The following NCAM2 variants were observed in gnomAD, a reference collection of about 807,000 sequenced individuals.
The protein encoded by NCAM2 is N-CAM-2.
A neutral mutation model predicts 98.1 loss-of-function variants in NCAM2; 30 were observed. The ratio of observed to expected loss-of-function variants is 0.31; its 90% CI spans 0.23 to 0.41. The LOEUF is 0.41. Among genes scored for constraint, NCAM2 ranks in the 10% least tolerant of loss-of-function variants. NCAM2 has a pLI of 1.00. For synonymous variants in NCAM2, 368 were observed against 342.4 expected, an observed-to-expected ratio of 1.07 and a Z score of -0.83; for missense variants, 867 against 1,005.8, an observed-to-expected ratio of 0.86 and a Z score of 1.87.
intron 15 of NCAM2, among the ~76,000 whole-genome samples, chr21:21,479,790 C>A (rs1255160232): frequency 6.6e-6 from 1 of 151,330 alleles, no homozygotes; most frequent in Non-Finnish European, 1.5e-5. Context: ...TAGGCAAGAC[C>A]TGGAAAGAAA....
At chr21:21,525,558 C>G (rs776069739) in intron 16 of NCAM2, among the ~76,000 whole-genome samples, 4 of 152,078 alleles carry the variant, frequency 2.6e-5, no homozygotes, top group Non-Finnish European at 4.4e-5. Flanking sequence ...CAAGCCCAGA[C>G]AAGTTCACTG....
rs142073167 is a variant in NCAM2 at position 21,507,638 on chromosome 21, A to G, written c.2078-1213A>G. Among the ~76,000 whole-genome samples the G allele has an allele frequency of 7.4e-3, 1,127 of 151,834 alleles. 11 individuals are homozygous for G. Among genetic ancestry groups the G allele is most frequent in the African/African-American group, 0.026 (1,073 of 41,432 alleles). On this transcript the variant is annotated intron_variant, in intron 15 of 17. Transcript: ENST00000400546. ...GAAACCCCGTTTCTACTAAAAACAC[A>G]AAAAAATTACCCAGGTGCAGTGGCG...
intron 7 of NCAM2, among the ~76,000 whole-genome samples, chr21:21,337,248 A>G (rs9978139): frequency 0.041 from 6,305 of 152,120 alleles, 240 homozygotes; most frequent in East Asian, 0.19. Flanking sequence ...AAGAAAAAAG[A>G]TTTTTTACAT....
chr21:21,468,765 C>A lies in NCAM2; in HGVS notation c.1878C>A (p.Tyr626Ter). Residue 626 changes from tyrosine to a stop codon, truncating the protein, a stop_gained, in exon 14 of 18, where the codon TAC becomes TAA. Coordinates refer to ENST00000400546, the MANE Select transcript of NCAM2 (RefSeq NM_004540.5). LOFTEE classifies it high-confidence loss of function. ...QDDGGAPILEYIVKYRSKDKE... is the reference protein window; with the variant it reads ...QDDGGAPILE ...ATGGAGGGGCCCCTATTTTGGAATACATTGTGAAATATAGAAGTGTAAGTA... is the reference window on the plus strand; with the variant it reads ...ATGGAGGGGCCCCTATTTTGGAATAAATTGTGAAATATAGAAGTGTAAGTA... 6.2e-7 allele frequency: 1 copy of A among 1,611,050 alleles called. No homozygotes were observed. The highest frequency in any genetic ancestry group is 1.1e-5 in the South Asian group (1 of 90,924).
At chr21:21,274,516 A>G (rs1282317200) in intron 1 of NCAM2, among the ~76,000 whole-genome samples, 1 of 152,210 alleles carries the variant, frequency 6.6e-6, no homozygotes, top group African/African-American at 2.4e-5. Flanking sequence ...CACTGTTATA[A>G]AAATCCAATA....
At chr21:21,147,187 C>G in intron 1 of NCAM2, 1 of 974,494 alleles carries the variant, frequency 1.0e-6, no homozygotes, top group Non-Finnish European at 1.2e-6. Context: ...CCGCTGCCTT[C>G]TACTTCAGCA....
intron 1 of NCAM2, among the ~76,000 whole-genome samples, chr21:21,132,112 T>G (rs1490084111): frequency 6.6e-6 from 1 of 152,236 alleles, no homozygotes; most frequent in African/African-American, 2.4e-5. Flanking sequence ...CGCATGCATT[T>G]GCTCATGGCC....
chr21:21,347,067 G>T (rs1229770657), intron 8 of NCAM2, among the ~76,000 whole-genome samples: 2 of 151,510 alleles, frequency 1.3e-5, no homozygotes, highest in Non-Finnish European at 3.0e-5. Flanking sequence ...AATACAAAAG[G>T]CCAATGAAAC....
chr21:21,048,165 T>G (rs1463653919), intron 1 of NCAM2, among the ~76,000 whole-genome samples: 1 of 152,204 alleles, frequency 6.6e-6, no homozygotes, highest in Non-Finnish European at 1.5e-5. Context: ...CTCTGAAGTC[T>G]GCTATCTGAG....
chr21:21,252,592 C>T (rs2071515598), intron 1 of NCAM2, among the ~76,000 whole-genome samples: 1 of 152,004 alleles, frequency 6.6e-6, no homozygotes, highest in Non-Finnish European at 1.5e-5. Context: ...TGTAGAGCTG[C>T]TTGATGCTGT....
At chr21:21,452,994 TATATA>T (rs1223987599) in intron 12 of NCAM2, among the ~76,000 whole-genome samples, 1,461 of 89,004 alleles carry the variant, frequency 0.016, 42 homozygotes, top group African/African-American at 0.065. Flanking sequence ...TATATTATAT[TATATA>T]ATATATAATA....
intron 1 of NCAM2, among the ~76,000 whole-genome samples, chr21:21,002,061 C>T (rs1260554664): frequency 1.3e-5 from 2 of 152,124 alleles, no homozygotes; most frequent in South Asian, 2.1e-4. Context: ...TGATATCAGC[C>T]TCTCTGTGCA....
intron 1 of NCAM2, among the ~76,000 whole-genome samples, chr21:21,150,125 G>A (rs2067405189): frequency 2.6e-5 from 4 of 151,926 alleles, no homozygotes; most frequent in Admixed American, 2.0e-4. Context: ...TAAATATTTT[G>A]TGTTTTTATT....
intron 1 of NCAM2, among the ~76,000 whole-genome samples, chr21:21,127,792 T>A (rs949190045): frequency 6.6e-6 from 1 of 152,166 alleles, no homozygotes; most frequent in African/African-American, 2.4e-5. Context: ...ACAGGTTTTA[T>A]TTTTATGACG....
intron 1 of NCAM2, among the ~76,000 whole-genome samples, chr21:21,016,772 T>C (rs1247345800): frequency 2.6e-5 from 4 of 152,114 alleles, no homozygotes; most frequent in Non-Finnish European, 1.5e-5. Context: ...ATAAGGAAAT[T>C]ATGGGACAGA....
chr21:21,248,248 A>C (rs954921099), intron 1 of NCAM2, among the ~76,000 whole-genome samples: 2 of 152,166 alleles, frequency 1.3e-5, no homozygotes, highest in South Asian at 2.1e-4. Flanking sequence ...TTAAAAAAAA[A>C]CATACAGTTA....
chr21:21,010,804 T>C (rs1324802618), intron 1 of NCAM2, among the ~76,000 whole-genome samples: 1 of 152,080 alleles, frequency 6.6e-6, no homozygotes, highest in Non-Finnish European at 1.5e-5. Context: ...GTGTAAAGTG[T>C]CATTACTAAT....
intron 1 of NCAM2, among the ~76,000 whole-genome samples, chr21:21,025,850 A>G (rs193170467): frequency 2.0e-5 from 3 of 152,326 alleles, no homozygotes; most frequent in Admixed American, 1.3e-4. Context: ...CTGATTGGCA[A>G]GTATACCCAC....
At chr21:21,241,781 G>T (rs9980199) in intron 1 of NCAM2, among the ~76,000 whole-genome samples, 152,162 of 152,162 alleles carry the variant, frequency 1, 76,081 homozygotes, top group Non-Finnish European at 1. Flanking sequence ...TGTTGACCAG[G>T]GTCTGCATAG....
Sources: gnomAD v4.1 joint callset for allele counts (sites outside exome capture counted in the v4.1 genomes callset) on GRCh38, gnomAD v4.1.1 for gene constraint, MANE v1.5 for transcripts, NCBI Gene and HGNC (gene_info 2026-07-23, HGNC 2026-07-21) for gene names.